Variants in AVEN observed in about 807,000 individuals in gnomAD.
AVEN encodes cell death regulator Aven.
A neutral mutation model predicts 38.1 loss-of-function variants in AVEN; 41 were observed. That is an observed-to-expected ratio of 1.08 (90% confidence interval 0.84 to 1.40). The LOEUF (loss-of-function observed/expected upper bound fraction) is 1.40, where lower values mean the gene tolerates loss of function less well. Ranked by LOEUF, AVEN falls within the 40% of genes most tolerant of loss-of-function variation. The probability of loss-of-function intolerance (pLI) is 0.00; values close to 1 mark genes in which losing one functional copy is unlikely to be tolerated. For missense variants in AVEN, 605 were observed against 438.8 expected (o/e 1.38, Z -3.38); for synonymous variants, 206 against 171.8 (o/e 1.20, Z -1.56).
intron 2 of AVEN, among the ~76,000 whole-genome samples, chr15:33,953,275 A>T (rs556386522): frequency 5.4e-5 from 8 of 148,090 alleles, no homozygotes; most frequent in Non-Finnish European, 8.9e-5. Context: ...TCACAGAATT[A>T]AAAAAAAAAC....
At chr15:33,882,398 T>C (rs1479231990) in intron 2 of AVEN, among the ~76,000 whole-genome samples, 2 of 152,150 alleles carry the variant, frequency 1.3e-5, no homozygotes, top group Non-Finnish European at 2.9e-5. Context: ...CCAGCAACAA[T>C]GCTGAAGTTG....
rs550386244 is a variant in AVEN, at chr15:33,995,378, A to G, written c.445+7654T>C. The stretch of plus-strand genomic sequence containing the variant: ...TAGCACTTACATTGCATTAGATATT[A>G]TAAGTGATTTAAAGATGATTTAAAG... On this transcript the variant is annotated intron_variant, in intron 2 of 5. Transcript: ENST00000306730. 8.5e-5 allele frequency among the ~76,000 whole-genome samples: 13 copies of G among 152,360 alleles called. No individual in the cohort carries two copies. The East Asian group carries it at 1.3e-3, about 16-fold the overall frequency.
At chr15:33,953,951 T>G (rs1597268983) in intron 2 of AVEN, among the ~76,000 whole-genome samples, 1 of 151,400 alleles carries the variant, frequency 6.6e-6, no homozygotes, top group Non-Finnish European at 1.5e-5. Context: ...ACTTAAATTT[T>G]CAAGAAAAAA....
intron 2 of AVEN, among the ~76,000 whole-genome samples, chr15:33,939,372 C>T (rs1206098040): frequency 1.3e-5 from 2 of 152,218 alleles, no homozygotes; most frequent in African/African-American, 4.8e-5. Context: ...GGCTAGAAAT[C>T]AGTATCGCTT....
intron 2 of AVEN, among the ~76,000 whole-genome samples, chr15:33,996,358 G>C (rs1020036646): frequency 1.3e-5 from 2 of 152,194 alleles, no homozygotes; most frequent in African/African-American, 4.8e-5. Context: ...TGAGTTCTGA[G>C]AACCGACAGA....
At chr15:33,951,064 G>T (rs1464293663) in intron 2 of AVEN, among the ~76,000 whole-genome samples, 2 of 150,938 alleles carry the variant, frequency 1.3e-5, no homozygotes, top group Non-Finnish European at 3.0e-5. Context: ...AGGAAGGGGA[G>T]AGGAGGGAAG....
Position 33,943,817 on chromosome 15 carries a change from C to T in AVEN, c.445+59215G>A, listed in dbSNP as rs146712023. ...CAGCCTGGGTGACAGAGCAAGACTCCGTCTTTAAAAAAAAAAAAAAAAAAA... is the reference window on the plus strand; with the variant it reads ...CAGCCTGGGTGACAGAGCAAGACTCTGTCTTTAAAAAAAAAAAAAAAAAAA... On this transcript the variant is annotated intron_variant, in intron 2 of 5. Coordinates refer to ENST00000306730, the MANE Select transcript of AVEN (RefSeq NM_020371.3). 1.2e-3 allele frequency among the ~76,000 whole-genome samples: 139 copies of T among 116,008 alleles called. 1 individual carries two copies. Among genetic ancestry groups the T allele is most frequent in the African/African-American group, 4.0e-3 (129 of 32,134 alleles). The allele number at this position is 116,008 out of a possible 152,430, so 76.1% of individuals were successfully genotyped here. A position where few individuals can be genotyped will look rare whatever the true frequency, so the allele number is the denominator to read the frequency against.
chr15:34,064,574 C>CCTG, intron 4 of AVEN: 1 of 491,910 alleles, frequency 2.0e-6, no homozygotes, highest in Non-Finnish European at 3.7e-6. Context: ...AAGGGATAGG[C>CCTG]TCATGGCCCT....
At chr15:33,926,165 G>A (rs540642520) in intron 2 of AVEN, among the ~76,000 whole-genome samples, 4 of 152,290 alleles carry the variant, frequency 2.6e-5, no homozygotes, top group African/African-American at 9.6e-5. Flanking sequence ...GGAAAACACA[G>A]TGCAATTAAG....
At chr15:34,069,159 T>C (rs1028616983) in intron 2 of AVEN, among the ~76,000 whole-genome samples, 12 of 150,854 alleles carry the variant, frequency 8.0e-5, no homozygotes, top group African/African-American at 1.5e-4. Flanking sequence ...CGGTGGCTCA[T>C]GCCTGTAATC....
intron 1 of AVEN, 124 bp downstream of exon 1, chr15:34,038,656 G>GCGCCGGCGCCGC: frequency 1.1e-6 from 1 of 941,444 alleles, no homozygotes; most frequent in South Asian, 5.1e-5. Context: ...TCCCGCGCAG[G>GCGCCGGCGCCGC]CGCCGGCGCC....
intron 2 of AVEN, among the ~76,000 whole-genome samples, chr15:33,952,424 T>G (rs999158775): frequency 2.0e-5 from 3 of 152,318 alleles, no homozygotes; most frequent in Non-Finnish European, 4.4e-5. Context: ...CTGTAGTAAC[T>G]TGGTTGCAGG....
chr15:33,937,470 T>C (rs1256950421), intron 2 of AVEN, among the ~76,000 whole-genome samples: 1 of 151,338 alleles, frequency 6.6e-6, no homozygotes, highest in Non-Finnish European at 1.5e-5. Flanking sequence ...GAGGCGGAGC[T>C]TGCAGTGAGC....
At chr15:33,934,801 C>T (rs1490633051) in intron 2 of AVEN, among the ~76,000 whole-genome samples, 1 of 152,142 alleles carries the variant, frequency 6.6e-6, no homozygotes, top group East Asian at 1.9e-4. Context: ...TGTCTCCAAA[C>T]CTGAGCTCTA....
chr15:33,940,512 AG>A (rs1894273341), intron 2 of AVEN, among the ~76,000 whole-genome samples: 1 of 151,978 alleles, frequency 6.6e-6, no homozygotes, highest in African/African-American at 2.4e-5. Context: ...GCACACATAA[AG>A]TTTAGTTGAA....
intron 2 of AVEN, chr15:33,883,554 T>C (rs1057313685): frequency 6.6e-6 from 1 of 152,106 alleles, no homozygotes; most frequent in Non-Finnish European, 1.5e-5. Context: ...CGCTTCAGTA[T>C]AGTATGAATG....
chr15:33,989,609 G>A (rs772033483), intron 2 of AVEN, among the ~76,000 whole-genome samples: 35 of 151,860 alleles, frequency 2.3e-4, no homozygotes, highest in Non-Finnish European at 4.1e-4. Flanking sequence ...CACTACAGCC[G>A]TCCCTTTTCA....
At chr15:33,873,171 C>T (rs192285922) in intron 3 of AVEN, among the ~76,000 whole-genome samples, 49 of 139,188 alleles carry the variant, frequency 3.5e-4, no homozygotes, top group Admixed American at 6.3e-4. Context: ...ACGATCTCGG[C>T]TCACTGCAAC....
At chr15:34,007,957 T>C (rs1297482035) in intron 1 of AVEN, among the ~76,000 whole-genome samples, 1 of 152,238 alleles carries the variant, frequency 6.6e-6, no homozygotes, top group Non-Finnish European at 1.5e-5. Flanking sequence ...TGAGTTATAC[T>C]GGATTAGGGC....
Sources: gnomAD v4.1 joint callset for allele counts (sites outside exome capture counted in the v4.1 genomes callset) on GRCh38, gnomAD v4.1.1 for gene constraint, MANE v1.5 for transcripts, NCBI Gene and HGNC (gene_info 2026-07-23, HGNC 2026-07-21) for gene names.